Variants in TAF4B observed in about 807,000 individuals in gnomAD.
TAF4B encodes transcription initiation factor TFIID subunit 4B.
Under a neutral mutation model 86.4 loss-of-function variants are expected in TAF4B, and 38 were observed. That is an observed-to-expected ratio of 0.44 (90% confidence interval 0.34 to 0.58). The LOEUF (loss-of-function observed/expected upper bound fraction) is 0.58. Among genes scored for constraint, TAF4B ranks in the 20% least tolerant of loss-of-function variants. TAF4B has a pLI of 0.02. For missense variants in TAF4B, 988 were observed against 1,027.6 expected, an observed-to-expected ratio of 0.96 and a Z score of 0.53; for synonymous variants, 388 against 391.2, an observed-to-expected ratio of 0.99 and a Z score of 0.10.
intron 1 of TAF4B, among the ~76,000 whole-genome samples, chr18:26,248,988 A>G (rs1458973435): frequency 1.3e-5 from 2 of 151,662 alleles, no homozygotes; most frequent in Non-Finnish European, 2.9e-5. Context: ...CCTGGCCAAC[A>G]TGGTGAAACA....
chr18:26,301,428 A>G (rs2056732637), intron 9 of TAF4B, among the ~76,000 whole-genome samples: 1 of 151,986 alleles, frequency 6.6e-6, no homozygotes, highest in Non-Finnish European at 1.5e-5. Flanking sequence ...CTGGGACTAC[A>G]GGCATGTGCC....
At chr18:26,290,000 C>G (rs1033369897) in intron 7 of TAF4B, among the ~76,000 whole-genome samples, 4 of 152,072 alleles carry the variant, frequency 2.6e-5, no homozygotes, top group Admixed American at 2.6e-4. Context: ...AGTATGAAGA[C>G]TAACTGGTGT....
In TAF4B at chr18:26,275,079, A is replaced by G. The variant is rs147920680; in HGVS notation, c.882+26A>G. ...GTAAGTAGTGCTATAAAATCCTGCA[A>G]ATTCTGGAGGAATCCATATAACATG... On this transcript the variant is annotated intron_variant, in intron 5 of 14. Coordinates refer to ENST00000269142, the MANE Select transcript of TAF4B (RefSeq NM_005640.3). The G allele has an allele frequency of 1.8e-3, 2,865 of 1,584,938 alleles. 52 individuals are homozygous for G. The African/African-American group carries it at 0.035, about 20-fold the overall frequency.
At chr18:26,343,011 T>G (rs143000598) in intron 13 of TAF4B, among the ~76,000 whole-genome samples, 3 of 152,340 alleles carry the variant, frequency 2.0e-5, no homozygotes, top group Non-Finnish European at 2.9e-5. Context: ...TCTCTCCCAC[T>G]GAATACAACT....
chr18:26,246,021 G>A (rs184481354), intron 1 of TAF4B, among the ~76,000 whole-genome samples: 212 of 152,212 alleles, frequency 1.4e-3, no homozygotes, highest in Non-Finnish European at 2.2e-3. Flanking sequence ...GGAATTGTTG[G>A]TTCAAATGGT....
At chr18:26,324,443 T>A (rs368436053) in intron 11 of TAF4B, among the ~76,000 whole-genome samples, 33 of 152,244 alleles carry the variant, frequency 2.2e-4, no homozygotes, top group African/African-American at 7.5e-4. Flanking sequence ...TAGTAGGCAG[T>A]TTCTGTATAA....
chr18:26,345,293 G>A (rs181192765), intron 13 of TAF4B, among the ~76,000 whole-genome samples: 15 of 152,254 alleles, frequency 9.9e-5, no homozygotes, highest in African/African-American at 3.4e-4. Flanking sequence ...ATCCTCACCA[G>A]ACATGTCTTT....
chr18:26,307,713 C>T (rs1482895105), intron 9 of TAF4B, among the ~76,000 whole-genome samples: 1 of 152,078 alleles, frequency 6.6e-6, no homozygotes, highest in African/African-American at 2.4e-5. Flanking sequence ...TGGTATTACT[C>T]CATCAATTTT....
chr18:26,316,207 A>G (rs2056910152), intron 10 of TAF4B, among the ~76,000 whole-genome samples: 1 of 152,078 alleles, frequency 6.6e-6, no homozygotes, highest in East Asian at 1.9e-4. Flanking sequence ...AGACCTTTAT[A>G]TTTTATAACG....
chr18:26,301,167 C>A (rs562256312), intron 9 of TAF4B, among the ~76,000 whole-genome samples: 3 of 152,236 alleles, frequency 2.0e-5, no homozygotes, highest in African/African-American at 7.2e-5. Context: ...CTAGAAACCA[C>A]GACCATCATT....
intron 5 of TAF4B, among the ~76,000 whole-genome samples, chr18:26,280,850 G>T (rs1045184277): frequency 1.3e-5 from 2 of 152,156 alleles, no homozygotes; most frequent in Non-Finnish European, 2.9e-5. Flanking sequence ...ATATGCACTT[G>T]TATGTTTATC....
chr18:26,262,477 CTTT>C (rs11291283), intron 1 of TAF4B, among the ~76,000 whole-genome samples: 4 of 143,442 alleles, frequency 2.8e-5, no homozygotes, highest in African/African-American at 5.2e-5. Flanking sequence ...TTTCCAAACA[CTTT>C]TTTTTTTTTT....
At chr18:26,260,539 C>T (rs551247095) in intron 1 of TAF4B, among the ~76,000 whole-genome samples, 9 of 152,262 alleles carry the variant, frequency 5.9e-5, no homozygotes, top group African/African-American at 1.9e-4. Flanking sequence ...TAAATAGGGG[C>T]TCCTTTCCCC....
chr18:26,261,592 A>G (rs2056168638), intron 1 of TAF4B, among the ~76,000 whole-genome samples: 1 of 152,096 alleles, frequency 6.6e-6, no homozygotes, highest in Admixed American at 6.5e-5. Flanking sequence ...GTTAGGATCC[A>G]CTCATTGCCA....
At chr18:26,312,891 T>C (rs147728945) in intron 9 of TAF4B, among the ~76,000 whole-genome samples, 1,568 of 152,348 alleles carry the variant, frequency 0.01, 20 homozygotes, top group African/African-American at 0.035. Flanking sequence ...TGTTTACTTA[T>C]GTTACTTTCA....
rs187246102 is a variant in TAF4B, at chr18:26,334,241, C to G, written c.2260-934C>G. On this transcript the variant is annotated intron_variant, in intron 12 of 14. Transcript: ENST00000269142. Reference sequence around the variant, plus strand: ...GTAGGCACTCAAATTTAAAGACTATCTCTTATATTTTCCTTTAACCAAAGG... The same window carrying G: ...GTAGGCACTCAAATTTAAAGACTATGTCTTATATTTTCCTTTAACCAAAGG... 4.2e-3 allele frequency among the ~76,000 whole-genome samples: 639 copies of G among 152,200 alleles called. 3 individuals are homozygous for G. The highest frequency in any genetic ancestry group is 6.8e-3 in the Non-Finnish European group (463 of 67,986).
intron 13 of TAF4B, 135 bp from the exon 14 acceptor site, chr18:26,357,555 G>A (rs184296448): frequency 7.4e-6 from 4 of 538,414 alleles, no homozygotes; most frequent in African/African-American, 3.9e-5. Flanking sequence ...GCCCTTGGCT[G>A]TTATGGGAAT....
chr18:26,248,753 G>T, intron 1 of TAF4B, among the ~76,000 whole-genome samples: 1 of 79,276 alleles, frequency 1.3e-5, no homozygotes, highest in African/African-American at 4.9e-5. Flanking sequence ...TTGAACTCCT[G>T]GGCTCAAGTG....
chr18:26,287,485 A>G (rs1228510113), intron 7 of TAF4B, among the ~76,000 whole-genome samples: 1 of 152,198 alleles, frequency 6.6e-6, no homozygotes, highest in Non-Finnish European at 1.5e-5. Flanking sequence ...TTTGTCGATT[A>G]GTGTTTAGAA....
Sources: allele counts gnomAD v4.1 joint callset (sites outside exome capture counted in the v4.1 genomes callset), GRCh38; gene constraint gnomAD v4.1.1; transcripts MANE v1.5; gene names NCBI Gene and HGNC (gene_info 2026-07-23, HGNC 2026-07-21).